The following LRRC47 variants were observed in gnomAD, a reference collection of about 807,000 sequenced individuals.
LRRC47 encodes leucine-rich repeat-containing protein 47.
LRRC47 carries 31 observed loss-of-function variants against 40.9 expected under a neutral mutation model. That is an observed-to-expected ratio of 0.76 (90% CI 0.57 to 1.02). The LOEUF is 1.02. LRRC47 is among the 50% of genes least tolerant of loss of function. The pLI is 0.00. For missense variants in LRRC47, 726 were observed against 796.1 expected (o/e 0.91, Z 1.06); for synonymous variants, 427 against 371.9 (o/e 1.15, Z -1.70).
rs182714668 is a variant in LRRC47 at position 3,781,169 on chromosome 1, A to G, written c.1671T>C (p.Asp557=). The part of the protein sequence containing the change: ...LLVVEQVRVV[D]LEGSLKVVYP... ...ACACCACCTTCAGGCTCCCTTCCAG[A>G]TCCACCACCCGGACCTGCTCCACCA... Residue 557 remains aspartate (D), a synonymous_variant, in exon 7 of 7, where the codon GAT becomes GAC. Coordinates refer to ENST00000378251, the MANE Select transcript of LRRC47 (RefSeq NM_020710.3). 3.2e-4 allele frequency: 509 copies of G among 1,614,020 alleles called. No individual in the cohort carries two copies. The East Asian group carries it at 0.01, about 33-fold the overall frequency.
chr1:3,796,254 G>A lies in LRRC47; in HGVS notation c.223C>T (p.Pro75Ser), dbSNP rs778062317. Residue 75 changes from proline (P) to serine (S), a missense_variant, in exon 1 of 7, where the codon CCG becomes TCG. Physicochemically the swap from Pro to Ser is moderately conservative, Grantham distance 74. Transcript: ENST00000378251. ...CGCAGCACGAGGCTGTGCAGCTGCG[G>A]CAGGCCCTGCGCCAGGCCAGGCCCC... is the stretch of plus-strand genomic sequence containing the variant. ...APGPGLAQGL[P>S]QLHSLVLRRN... The A allele has an allele frequency of 1.4e-6, 2 of 1,459,240 alleles. No homozygotes were observed. The highest frequency in any genetic ancestry group is 1.3e-5 in the South Asian group (1 of 74,984). The allele number at this position is 1,459,240 out of a possible 1,614,324, so 90.4% of individuals were successfully genotyped here. A position where few individuals can be genotyped will look rare whatever the true frequency, so the allele number is the denominator to read the frequency against.
rs764943861 is a variant in LRRC47, at chr1:3,785,074, G to A, written c.1194+13C>T. Reference sequence around the variant, plus strand: ...AGACTCTTCAGCAGACCCTGCAAAGGAGGCTGCAGCACCTTGAGGTCCTGT... The same window carrying A: ...AGACTCTTCAGCAGACCCTGCAAAGAAGGCTGCAGCACCTTGAGGTCCTGT... On this transcript the variant is annotated intron_variant, in intron 3 of 6. Coordinates refer to ENST00000378251, the MANE Select transcript of LRRC47 (RefSeq NM_020710.3). 1.9e-6 allele frequency: 3 copies of A among 1,578,546 alleles called. No individual in the cohort carries two copies. The highest frequency in any genetic ancestry group is 1.1e-5 in the South Asian group (1 of 88,712).
chr1:3,788,843 C>A (rs187353042), intron 1 of LRRC47, among the ~76,000 whole-genome samples: 2 of 152,144 alleles, frequency 1.3e-5, no homozygotes, highest in African/African-American at 4.8e-5. Flanking sequence ...AAAGGGCTCG[C>A]GTGCCCTCTG....
At chr1:3,785,278 G>T in intron 2 of LRRC47, 75 bp from the exon 3 acceptor site, 1 of 1,085,848 alleles carries the variant, frequency 9.2e-7, no homozygotes, top group Non-Finnish European at 1.3e-6. Context: ...CTTCACCCTT[G>T]GCTGGGCTGT....
intron 3 of LRRC47, among the ~76,000 whole-genome samples, chr1:3,784,770 C>T (rs183142998): frequency 2.6e-5 from 4 of 152,212 alleles, no homozygotes; most frequent in South Asian, 2.1e-4. Flanking sequence ...CCAAGTTGGG[C>T]GGATCACCTG....
intron 1 of LRRC47, among the ~76,000 whole-genome samples, chr1:3,787,524 C>T (rs116377574): frequency 1.2e-4 from 18 of 152,222 alleles, no homozygotes; most frequent in East Asian, 3.9e-4. Context: ...GGAGCCTCTC[C>T]GAGGAGAAGG....
chr1:3,784,055 C>T lies in LRRC47; in HGVS notation c.1251G>A (p.Gln417=), dbSNP rs893042756. ...AKAKELVRQL[Q]LEAEEQRKQK... is the part of the protein sequence containing the mutation. ...GCTTCCTCTGCTCCTCGGCCTCCAG[C>T]TGCAGCTGCCGCACCAGCTCCTTGG... is the stretch of plus-strand genomic sequence containing the variant. Residue 417 remains glutamine (Q), a synonymous_variant, in exon 4 of 7, where the codon CAG becomes CAA. Coordinates refer to ENST00000378251, the MANE Select transcript of LRRC47 (RefSeq NM_020710.3). 6.2e-7 allele frequency: 1 copy of T among 1,612,868 alleles called. No individual in the cohort carries two copies. Among genetic ancestry groups the T allele is most frequent in the African/African-American group, 1.3e-5 (1 of 75,044 alleles).
At chr1:3,792,509 G>A (rs1355536944) in intron 1 of LRRC47, among the ~76,000 whole-genome samples, 1 of 150,040 alleles carries the variant, frequency 6.7e-6, no homozygotes, top group East Asian at 2.0e-4. Context: ...CACCCAGGCT[G>A]GAGTGCAGTG....
rs1051362119 is a variant in LRRC47 at position 3,781,692 on chromosome 1, CTG to C, written c.1414-93_1414-92del. 8.3e-6 allele frequency: 9 copies of C among 1,084,556 alleles called. No individual in the cohort carries two copies. The African/African-American group carries it at 1.3e-4, about 15-fold the overall frequency. The allele number at this position is 1,084,556 out of a possible 1,614,324, so 67.2% of individuals were successfully genotyped here. On this transcript the variant is annotated intron_variant, in intron 5 of 6. Coordinates refer to ENST00000378251, the MANE Select transcript of LRRC47 (RefSeq NM_020710.3). ...TTGTTCTCAGGAAAAATCTACAAAACTGTGTGGCCAGGCACAGTGGCTCACAC... is the reference window on the plus strand; with the variant it reads ...TTGTTCTCAGGAAAAATCTACAAAACTGTGGCCAGGCACAGTGGCTCACAC...
Position 3,781,206 on chromosome 1 carries a change from G to C in LRRC47, c.1634C>G (p.Pro545Arg). The change falls in exon 7 of 7, where the codon CCC becomes CGC. Residue 545 changes from proline to arginine, a missense_variant. Physicochemically the swap from Pro to Arg is moderately radical, Grantham distance 103. Coordinates refer to ENST00000378251, the MANE Select transcript of LRRC47 (RefSeq NM_020710.3). ...TTNPSAGKDG[P>R]SLLVVEQVRV... ...GACCTGCTCCACCACCAGAAGGGAG[G>C]GCCCGTCCTTTCCAGCACTGGGATT... 1 of 1,614,178 alleles carries C rather than the reference G, an allele frequency of 6.2e-7. No individual in the cohort carries two copies. Among genetic ancestry groups the C allele is most frequent in the Non-Finnish European group, 8.5e-7 (1 of 1,180,018 alleles).
chr1:3,787,362 C>T (rs1643585976), intron 1 of LRRC47, 52 bp from the exon 2 acceptor site: 1 of 1,529,512 alleles, frequency 6.5e-7, no homozygotes, highest in South Asian at 1.2e-5. Context: ...GGAAGAGAGT[C>T]CAAGGTCATG....
chr1:3,786,158 C>T (rs1157969631), intron 2 of LRRC47, among the ~76,000 whole-genome samples: 1 of 152,186 alleles, frequency 6.6e-6, no homozygotes, highest in African/African-American at 2.4e-5. Flanking sequence ...GCGTGAGCCA[C>T]CGCACCAGCT....
chr1:3,787,808 C>G (rs969643500), intron 1 of LRRC47, among the ~76,000 whole-genome samples: 1 of 152,154 alleles, frequency 6.6e-6, no homozygotes, highest in African/African-American at 2.4e-5. Context: ...CATTCTTCTT[C>G]ATAATGAAGT....
chr1:3,791,753 G>C (rs1570741050), intron 1 of LRRC47, among the ~76,000 whole-genome samples: 1 of 151,998 alleles, frequency 6.6e-6, no homozygotes, highest in Admixed American at 6.6e-5. Flanking sequence ...ACCGCACCCG[G>C]CCTCTCTCTC....
Position 3,785,147 on chromosome 1 carries a change from G to A in LRRC47, c.1134C>T (p.His378=), listed in dbSNP as rs368155675. The change falls in exon 3 of 7, where the codon CAC becomes CAT. Residue 378 remains histidine (H), a synonymous_variant. Transcript: ENST00000378251. ...EKRTAATLAT[H]ELRAVKGPLL... Reference sequence around the variant, plus strand: ...GGGGCCCTTTGACGGCACGGAGCTCGTGGGTGGCAAGGGTGGCAGCCGTCC... The same window carrying A: ...GGGGCCCTTTGACGGCACGGAGCTCATGGGTGGCAAGGGTGGCAGCCGTCC... 27 of 1,600,274 alleles carry A rather than the reference G, an allele frequency of 1.7e-5. No individual in the cohort carries two copies. The highest frequency in any genetic ancestry group is 9.2e-5 in the East Asian group (4 of 43,598).
At chr1:3,786,116 C>CA (rs1285052665) in intron 2 of LRRC47, among the ~76,000 whole-genome samples, 1 of 152,116 alleles carries the variant, frequency 6.6e-6, no homozygotes, top group Non-Finnish European at 1.5e-5. Context: ...GTGATGCACC[C>CA]ACCTCGGCCT....
chr1:3,784,588 C>A (rs539134267), intron 3 of LRRC47, among the ~76,000 whole-genome samples: 1 of 151,710 alleles, frequency 6.6e-6, no homozygotes, highest in African/African-American at 2.4e-5. Flanking sequence ...ATTTTCCCAA[C>A]GACTGCTCAT....
chr1:3,781,653 A>G, intron 5 of LRRC47, 52 bp from the exon 6 acceptor site: 1 of 1,396,722 alleles, frequency 7.2e-7, no homozygotes, highest in Non-Finnish European at 1.0e-6. Flanking sequence ...TGTAGACATC[A>G]GCAACTGCAA....
chr1:3,792,352 C>A (rs1003092051), intron 1 of LRRC47, among the ~76,000 whole-genome samples: 1 of 152,112 alleles, frequency 6.6e-6, no homozygotes, highest in African/African-American at 2.4e-5. Flanking sequence ...ACTTGGCCAC[C>A]TCTTTTGGGA....
Sources: allele counts gnomAD v4.1 joint callset (sites outside exome capture counted in the v4.1 genomes callset), GRCh38; gene constraint gnomAD v4.1.1; transcripts MANE v1.5; gene names NCBI Gene and HGNC (gene_info 2026-07-23, HGNC 2026-07-21).